The following IL34 variants were observed in gnomAD, a reference collection of about 807,000 sequenced individuals.
IL34 encodes the protein interleukin 34.
Under a neutral mutation model 25.3 loss-of-function variants are expected in IL34, and 17 were observed. The ratio of observed to expected loss-of-function variants is 0.67; its 90% CI spans 0.46 to 1.01. The LOEUF (loss-of-function observed/expected upper bound fraction) is 1.01, where lower values mean the gene tolerates loss of function less well. IL34 is among the 50% of genes least tolerant of loss of function. The pLI, the probability that IL34 is intolerant of heterozygous loss-of-function variation, is 0.00. For missense variants in IL34, 368 were observed against 312.9 expected, an observed-to-expected ratio of 1.18 and a Z score of -1.33; for synonymous variants, 174 against 140.9, an observed-to-expected ratio of 1.23 and a Z score of -1.66.
intron 1 of IL34, among the ~76,000 whole-genome samples, chr16:70,585,420 C>T (rs1269245740): frequency 1.3e-5 from 2 of 152,138 alleles, no homozygotes; most frequent in South Asian, 2.1e-4. Context: ...AGGCTGGGCG[C>T]GGTGGCTCAC....
intron 1 of IL34, among the ~76,000 whole-genome samples, chr16:70,636,585 TCACACACACA>T (rs34816911): frequency 0.05 from 6,834 of 136,446 alleles, 172 homozygotes; most frequent in Middle Eastern, 0.056. Context: ...GCAAACCCTG[TCACACACACA>T]CACACACACA....
At chr16:70,655,775 C>T (rs1301164527) in intron 2 of IL34, among the ~76,000 whole-genome samples, 1 of 151,912 alleles carries the variant, frequency 6.6e-6, no homozygotes, top group Non-Finnish European at 1.5e-5. Flanking sequence ...GTGGCGGGAT[C>T]ATAGCTCAGT....
At chr16:70,614,493 T>C (rs1407283932) in intron 1 of IL34, among the ~76,000 whole-genome samples, 1 of 152,200 alleles carries the variant, frequency 6.6e-6, no homozygotes, top group African/African-American at 2.4e-5. Flanking sequence ...TTGAGAAGCA[T>C]GGAAGCTCAG....
intron 1 of IL34, among the ~76,000 whole-genome samples, chr16:70,624,475 T>C (rs796880916): frequency 4.6e-5 from 7 of 152,228 alleles, no homozygotes; most frequent in African/African-American, 1.4e-4. Flanking sequence ...CGGGAGCACA[T>C]TGGGTAATAA....
At chr16:70,636,614 C>G (rs2051653256) in intron 1 of IL34, among the ~76,000 whole-genome samples, 1 of 151,404 alleles carries the variant, frequency 6.6e-6, no homozygotes, top group Non-Finnish European at 1.5e-5. Flanking sequence ...CACACACACA[C>G]ACACACACAC....
intron 1 of IL34, among the ~76,000 whole-genome samples, chr16:70,599,825 C>T (rs1173768854): frequency 6.6e-6 from 1 of 151,972 alleles, no homozygotes; most frequent in Non-Finnish European, 1.5e-5. Flanking sequence ...TAAGCACACA[C>T]TACTACACCT....
At chr16:70,655,489 AT>A (rs1185953984) in intron 2 of IL34, among the ~76,000 whole-genome samples, 1 of 149,392 alleles carries the variant, frequency 6.7e-6, no homozygotes, top group African/African-American at 2.5e-5. Flanking sequence ...CAAGGCTCAA[AT>A]GATCCTCCCA....
At chr16:70,658,035 G>A (rs1016106291) in intron 4 of IL34, among the ~76,000 whole-genome samples, 3 of 152,212 alleles carry the variant, frequency 2.0e-5, no homozygotes, top group Non-Finnish European at 2.9e-5. Context: ...CATGCAGGCC[G>A]TGTGTGCGGT....
chr16:70,631,619 C>A (rs990039040), intron 1 of IL34, among the ~76,000 whole-genome samples: 2 of 152,068 alleles, frequency 1.3e-5, no homozygotes, highest in African/African-American at 4.8e-5. Flanking sequence ...GACTCACTTC[C>A]CTAGTTTTTC....
At chr16:70,648,063 A>C (rs901676961) in intron 1 of IL34, among the ~76,000 whole-genome samples, 1 of 152,202 alleles carries the variant, frequency 6.6e-6, no homozygotes, top group Non-Finnish European at 1.5e-5. Context: ...CGGCTGGCTG[A>C]GGCCTTGAGA....
chr16:70,648,939 A>G (rs1046279224), intron 1 of IL34, among the ~76,000 whole-genome samples: 3 of 151,966 alleles, frequency 2.0e-5, no homozygotes, highest in Non-Finnish European at 4.4e-5. Flanking sequence ...AGTCACTCAG[A>G]TCTCCCTTTG....
At chr16:70,592,827 G>C (rs2050771880) in intron 1 of IL34, among the ~76,000 whole-genome samples, 1 of 151,808 alleles carries the variant, frequency 6.6e-6, no homozygotes, top group Non-Finnish European at 1.5e-5. Flanking sequence ...GCTAATTTTT[G>C]TATTTTTAGT....
intron 1 of IL34, among the ~76,000 whole-genome samples, chr16:70,620,323 G>A (rs925640577): frequency 2.6e-5 from 4 of 152,152 alleles, no homozygotes; most frequent in Non-Finnish European, 5.9e-5. Context: ...AAAGAAAAAG[G>A]AGCATTCACC....
chr16:70,630,481 G>A (rs962959883), intron 1 of IL34, among the ~76,000 whole-genome samples: 9 of 151,552 alleles, frequency 5.9e-5, no homozygotes, highest in Admixed American at 4.0e-4. Context: ...ATCTGCCAGC[G>A]TCGGCCTCCC....
At chr16:70,619,147 G>C (rs955306307) in intron 1 of IL34, among the ~76,000 whole-genome samples, 1 of 152,166 alleles carries the variant, frequency 6.6e-6, no homozygotes, top group Non-Finnish European at 1.5e-5. Flanking sequence ...GGCTTTAAAA[G>C]GCCATGCTGT....
chr16:70,613,283 A>G (rs572161537), intron 1 of IL34, among the ~76,000 whole-genome samples: 2 of 152,286 alleles, frequency 1.3e-5, no homozygotes, highest in Admixed American at 1.3e-4. Context: ...GATTTAGTAA[A>G]TTTCCATGCC....
chr16:70,593,325 G>A (rs8063029), intron 1 of IL34, among the ~76,000 whole-genome samples: 15,268 of 151,942 alleles, frequency 0.1, 1,872 homozygotes, highest in African/African-American at 0.27. Context: ...TTCAAGGATC[G>A]TGCTTTTGAT....
intron 1 of IL34, among the ~76,000 whole-genome samples, chr16:70,598,778 A>T (rs1234207348): frequency 6.6e-6 from 1 of 152,176 alleles, no homozygotes; most frequent in African/African-American, 2.4e-5. Context: ...AAGAATGAAA[A>T]TTAGTTTTAT....
chr16:70,628,558 C>T (rs924087540), intron 1 of IL34, among the ~76,000 whole-genome samples: 2 of 151,014 alleles, frequency 1.3e-5, no homozygotes, highest in Non-Finnish European at 2.9e-5. Flanking sequence ...ATGATCTTGG[C>T]TCACTGCAAT....
Sources: gnomAD v4.1 joint callset for allele counts (sites outside exome capture counted in the v4.1 genomes callset) on GRCh38, gnomAD v4.1.1 for gene constraint, MANE v1.5 for transcripts, NCBI Gene and HGNC (gene_info 2026-07-23, HGNC 2026-07-21) for gene names.